Variants in SLC28A3 observed in about 807,000 individuals in gnomAD.
SLC28A3 encodes the protein solute carrier family 28 member 3.
A neutral mutation model predicts 84.2 loss-of-function variants in SLC28A3; 68 were observed. The observed-to-expected ratio is 0.81, with a 90% CI of 0.66 to 0.99. The LOEUF (loss-of-function observed/expected upper bound fraction) is 0.99. Among genes scored for constraint, SLC28A3 ranks in the 50% least tolerant of loss-of-function variants. SLC28A3 has a pLI of 0.00. For synonymous variants in SLC28A3, 267 were observed against 303.6 expected (o/e 0.88, Z 1.25); for missense variants, 712 against 841.5 (o/e 0.85, Z 1.90).
chr9:84,363,808 T>C, the SLC28A3 span, among the ~76,000 whole-genome samples: 2 of 152,294 alleles, frequency 1.3e-5, no homozygotes, highest in East Asian at 1.9e-4. Context: ...CAGGCTGGTC[T>C]TGAACCCTTG....
intron 1 of SLC28A3, among the ~76,000 whole-genome samples, chr9:84,322,237 A>G (rs955475623): frequency 6.6e-6 from 1 of 152,238 alleles, no homozygotes; most frequent in Non-Finnish European, 1.5e-5. Context: ...TTGGAATAAG[A>G]TAGAAGAAGA....
upstream of SLC28A3, among the ~76,000 whole-genome samples, chr9:84,342,608 G>A (rs1166863198): frequency 1.3e-5 from 2 of 151,564 alleles, no homozygotes; most frequent in South Asian, 2.1e-4. Context: ...GTAGAACTGG[G>A]GGCCTCACTA....
chr9:84,360,142 C>T, the SLC28A3 span, among the ~76,000 whole-genome samples: 1 of 151,932 alleles, frequency 6.6e-6, no homozygotes, highest in African/African-American at 2.4e-5. Flanking sequence ...AGTTAAAGTG[C>T]CAGGGGTGAC....
chr9:84,350,720 A>G, the SLC28A3 span, among the ~76,000 whole-genome samples: 1 of 152,036 alleles, frequency 6.6e-6, no homozygotes, highest in Non-Finnish European at 1.5e-5. Flanking sequence ...GCTCACCATA[A>G]CTTTTTTCTG....
chr9:84,324,953 G>T (rs1157575474), intron 1 of SLC28A3, among the ~76,000 whole-genome samples: 1 of 152,156 alleles, frequency 6.6e-6, no homozygotes. Context: ...ATGGAGGAAT[G>T]TTTACCATTA....
Position 84,276,286 on chromosome 9 carries a change from A to G in SLC28A3, c.*1932T>C, listed in dbSNP as rs913507084. The G allele has an allele frequency of 6.6e-6, 1 of 151,928 alleles. No homozygotes were observed. Among genetic ancestry groups the G allele is most frequent in the Non-Finnish European group, 1.5e-5 (1 of 68,008 alleles). 9.4% of individuals were successfully genotyped at this position (151,928 alleles called of 1,614,324 possible). A position where few individuals can be genotyped will look rare whatever the true frequency, so the allele number is the denominator to read the frequency against. ...TAAGAATGAAAAATATCTTACTGAA[A>G]TAATATCTCCAATGTATTGAGTTAA... On this transcript the variant is annotated 3_prime_UTR_variant, in exon 18 of 18. Coordinates refer to ENST00000376238, the MANE Select transcript of SLC28A3 (RefSeq NM_001199633.2).
chr9:84,278,308 T>C lies in SLC28A3; in HGVS notation c.1986A>G (p.Gly662=). ...TCAAAGAATACAGACTGTGGTTTCC[T>C]CCTGGGATGACTTCACCAGGACCCT... The part of the protein sequence containing the change: ...VAKGPGEVIP[G]GNHSLYSLKG... The change falls in exon 18 of 18, where the codon GGA becomes GGG. Residue 662 remains glycine, a synonymous_variant. Coordinates refer to ENST00000376238, the MANE Select transcript of SLC28A3 (RefSeq NM_001199633.2). The C allele has an allele frequency of 6.2e-7, 1 of 1,614,150 alleles. No homozygotes were observed. Among genetic ancestry groups the C allele is most frequent in the Non-Finnish European group, 8.5e-7 (1 of 1,180,018 alleles).
chr9:84,340,760 G>C, upstream of SLC28A3: 1 of 953,352 alleles, frequency 1.0e-6, no homozygotes, highest in South Asian at 1.5e-5. Context: ...CTTCAGTTTG[G>C]AAACTTCTGC....
At chr9:84,290,342 G>A (rs1825165600) in intron 10 of SLC28A3, 63 bp from the exon 11 acceptor site, 5 of 1,582,184 alleles carry the variant, frequency 3.2e-6, no homozygotes, top group Non-Finnish European at 4.3e-6. Flanking sequence ...GGGAAGGCAT[G>A]CCAATCTACT....
chr9:84,327,418 A>G (rs1183170174), intron 1 of SLC28A3, among the ~76,000 whole-genome samples: 1 of 151,594 alleles, frequency 6.6e-6, no homozygotes, highest in Non-Finnish European at 1.5e-5. Flanking sequence ...AAATAAAATG[A>G]CTCAGAATCT....
chr9:84,362,728 T>C, the SLC28A3 span, among the ~76,000 whole-genome samples: 1 of 152,166 alleles, frequency 6.6e-6, no homozygotes, highest in East Asian at 1.9e-4. Flanking sequence ...ATGAACTTTT[T>C]AAATGCCATG....
chr9:84,299,019 G>A (rs888446733), intron 6 of SLC28A3, among the ~76,000 whole-genome samples: 2 of 151,962 alleles, frequency 1.3e-5, no homozygotes, highest in African/African-American at 4.8e-5. Flanking sequence ...TTTTTCCTTG[G>A]GTCTTGCTTT....
chr9:84,299,470 G>T, intron 6 of SLC28A3, 111 bp downstream of exon 6: 9 of 1,387,190 alleles, frequency 6.5e-6, no homozygotes, highest in Non-Finnish European at 8.8e-6. Context: ...ATCCCATCAA[G>T]GTAAGAAAAG....
chr9:84,341,634 C>T (rs1041808800), upstream of SLC28A3, among the ~76,000 whole-genome samples: 12 of 152,114 alleles, frequency 7.9e-5, no homozygotes, highest in African/African-American at 2.9e-4. Context: ...GGGCTGCTTT[C>T]AAAAATCCAG....
chr9:84,289,498 G>C, intron 11 of SLC28A3, among the ~76,000 whole-genome samples: 2 of 152,332 alleles, frequency 1.3e-5, no homozygotes, highest in East Asian at 3.9e-4. Flanking sequence ...GAATCTGAGA[G>C]TTTTAAAAAA....
At chr9:84,316,336 G>A (rs549206297) in intron 1 of SLC28A3, among the ~76,000 whole-genome samples, 2 of 152,212 alleles carry the variant, frequency 1.3e-5, no homozygotes, top group East Asian at 3.8e-4. Flanking sequence ...ACATATCCAA[G>A]CTTCCCTTGC....
rs537612378 is a variant in SLC28A3, at chr9:84,305,327, A to T, written c.261T>A (p.Tyr87Ter). Residue 87 changes from tyrosine to a stop codon, truncating the protein, a stop_gained, in exon 4 of 18, where the codon TAT (tyrosine) becomes TAA (stop). Coordinates refer to ENST00000376238, the MANE Select transcript of SLC28A3 (RefSeq NM_001199633.2). LOFTEE classifies it high-confidence loss of function. Reference sequence around the variant, plus strand: ...TCCTACAGAAACCACATACTGTGTCATACCTCCTTTCCAAACACCTGCAAC... The same window carrying T: ...TCCTACAGAAACCACATACTGTGTCTTACCTCCTTTCCAAACACCTGCAAC... ...MQQKGCLERR[Y>*]DTVCGFCRKH... The T allele has an allele frequency of 4.0e-5, 64 of 1,613,244 alleles. No individual in the cohort carries two copies. The highest frequency in any genetic ancestry group is 4.9e-5 in the Non-Finnish European group (58 of 1,179,886).
chr9:84,356,564 G>A, the SLC28A3 span, among the ~76,000 whole-genome samples: 1 of 152,164 alleles, frequency 6.6e-6, no homozygotes, highest in Non-Finnish European at 1.5e-5. Context: ...GGGCAAGGTG[G>A]CTCACGCTCG....
upstream of SLC28A3, among the ~76,000 whole-genome samples, chr9:84,342,411 G>A (rs1827181524): frequency 6.7e-6 from 1 of 149,314 alleles, no homozygotes; most frequent in African/African-American, 2.5e-5. Context: ...TATACACTTA[G>A]TAGCAGTTAC....
Sources: allele counts gnomAD v4.1 joint callset (sites outside exome capture counted in the v4.1 genomes callset), GRCh38; gene constraint gnomAD v4.1.1; transcripts MANE v1.5; gene names NCBI Gene and HGNC (gene_info 2026-07-23, HGNC 2026-07-21).